ENOX2: variants seen among roughly 807,000 people sequenced by gnomAD.
ENOX2 encodes ecto-NOX disulfide-thiol exchanger 2.
ENOX2 carries 36 observed loss-of-function variants against 45.0 expected under a neutral mutation model. The observed-to-expected ratio is 0.80, with a 90% CI of 0.61 to 1.06. The LOEUF (loss-of-function observed/expected upper bound fraction) is 1.06, where lower values mean the gene tolerates loss of function less well. Among genes scored for constraint, ENOX2 ranks in the 50% least tolerant of loss-of-function variants. ENOX2 has a pLI of 0.00. For synonymous variants in ENOX2, 174 were observed against 152.3 expected (o/e 1.14, Z -1.05); for missense variants, 423 against 462.5 (o/e 0.91, Z 0.78).
chrX:130,634,071 G>C (rs1482705718), intron 12 of ENOX2, among the ~76,000 whole-genome samples: 4 of 111,954 alleles, frequency 3.6e-5, no homozygotes, highest in Non-Finnish European at 5.6e-5. Flanking sequence ...GACACTCTAG[G>C]GGAAGGCACT....
intron 2 of ENOX2, among the ~76,000 whole-genome samples, chrX:130,886,379 T>C (rs893862232): frequency 8.9e-6 from 1 of 112,657 alleles, no homozygotes; most frequent in Admixed American, 9.4e-5. Context: ...AACAACGTGG[T>C]TGTAGGAACT....
At chrX:130,750,470 G>C (rs927196341) in intron 3 of ENOX2, among the ~76,000 whole-genome samples, 26 of 111,186 alleles carry the variant, frequency 2.3e-4, no homozygotes, top group African/African-American at 8.2e-4. Context: ...ATTTATCTCA[G>C]TCTTTACTTC....
chrX:130,703,512 T>TTCTCTCTC lies in ENOX2; in HGVS notation c.-38-266_-38-259dup, dbSNP rs59009662. ...TTCCTTCCTTCTCTCCCTTTCTTCCTTCTCTCTCTCTCTCTCTCTCTCTCT... is the reference window on the plus strand; with the variant it reads ...TTCCTTCCTTCTCTCCCTTTCTTCCTTCTCTCTCTCTCTCTCTCTCTCTCTCTCTCTCT... On this transcript the variant is annotated intron_variant, in intron 3 of 14. Transcript: ENST00000394363. Among the ~76,000 whole-genome samples, 42 of 105,489 alleles carry TTCTCTCTC rather than the reference T, an allele frequency of 4.0e-4. 1 individual carries two copies. Among genetic ancestry groups the TTCTCTCTC allele is most frequent in the Admixed American group, 3.1e-3 (30 of 9,824 alleles). 91.6% of individuals were successfully genotyped at this position (105,489 alleles called of 115,157 possible). A position where few individuals can be genotyped will look rare whatever the true frequency, so the allele number is the denominator to read the frequency against.
chrX:130,625,186 A>C lies in ENOX2; in HGVS notation c.*128T>G. On this transcript the variant is annotated 3_prime_UTR_variant, in exon 15 of 15. Transcript: ENST00000394363. ...TAGGATCCTTATTTTAACTCAAAAG[A>C]TTTTCCAGGAATGAACTGACAAATT... is the stretch of plus-strand genomic sequence containing the variant. 2.4e-6 allele frequency: 2 copies of C among 826,194 alleles called. No homozygotes were observed. The highest frequency in any genetic ancestry group is 3.4e-6 in the Non-Finnish European group (2 of 588,140). 68.1% of individuals were successfully genotyped at this position (826,194 alleles called of 1,213,427 possible).
At chrX:130,874,046 A>G (rs2078650528) in intron 2 of ENOX2, among the ~76,000 whole-genome samples, 1 of 111,559 alleles carries the variant, frequency 9.0e-6, no homozygotes, top group Admixed American at 9.5e-5. Flanking sequence ...AGTATAACAA[A>G]CAAAAAAAAA....
intron 2 of ENOX2, among the ~76,000 whole-genome samples, chrX:130,896,799 TGGG>T (rs2079063772): frequency 8.9e-6 from 1 of 111,945 alleles, no homozygotes; most frequent in African/African-American, 3.2e-5. Flanking sequence ...TTTTGCACAA[TGGG>T]TATTATCTGT....
intron 2 of ENOX2, among the ~76,000 whole-genome samples, chrX:130,787,073 C>T (rs979515469): frequency 1.0e-5 from 1 of 99,939 alleles, no homozygotes; most frequent in Non-Finnish European, 2.0e-5. Context: ...CTGTTGTTTC[C>T]TGACTTTTTA....
At position 130,703,268 on chromosome X, in the gene ENOX2, A is replaced by G; in HGVS notation, c.-38-14T>C. ...TACTGTTATCGGCTGAAAAGAAATG[A>G]CAAGCAAAATAATTTGTTGTGTTAA... On this transcript the variant is annotated splice_polypyrimidine_tract_variant and intron_variant, in intron 3 of 14. Transcript: ENST00000394363. 1 of 1,183,742 alleles carries G rather than the reference A, an allele frequency of 8.4e-7. No individual in the cohort carries two copies. The highest frequency in any genetic ancestry group is 1.1e-6 in the Non-Finnish European group (1 of 881,916).
chrX:130,889,773 G>A (rs184775044), intron 2 of ENOX2, among the ~76,000 whole-genome samples: 117 of 112,562 alleles, frequency 1.0e-3, no homozygotes, highest in Non-Finnish European at 1.7e-3. Context: ...CAACTGCTTA[G>A]GGAAACAGTC....
chrX:130,756,376 G>A (rs1251324250), intron 3 of ENOX2, among the ~76,000 whole-genome samples: 3 of 112,045 alleles, frequency 2.7e-5, no homozygotes, highest in Non-Finnish European at 3.8e-5. Context: ...AGACTGTCTA[G>A]GATGTCATAG....
At chrX:130,876,163 C>A (rs1316997348) in intron 2 of ENOX2, among the ~76,000 whole-genome samples, 2 of 111,778 alleles carry the variant, frequency 1.8e-5, no homozygotes, top group African/African-American at 6.5e-5. Flanking sequence ...CATTAATGCT[C>A]ATAGCAGCAT....
chrX:130,655,656 C>T (rs1262242706), intron 10 of ENOX2, among the ~76,000 whole-genome samples: 1 of 111,814 alleles, frequency 8.9e-6, no homozygotes, highest in Non-Finnish European at 1.9e-5. Context: ...TGTTTTGAGG[C>T]AGAGTTTTGG....
intron 10 of ENOX2, chrX:130,646,431 CA>C: frequency 5.2e-6 from 1 of 192,091 alleles, no homozygotes; most frequent in South Asian, 9.3e-5. Context: ...GGGAAGAAGA[CA>C]AAGGCAGCGT....
intron 13 of ENOX2, among the ~76,000 whole-genome samples, chrX:130,629,003 A>G (rs1412918621): frequency 9.0e-6 from 1 of 111,105 alleles, no homozygotes; most frequent in Admixed American, 9.6e-5. Flanking sequence ...GCAAAATTTG[A>G]TTTGGTTTCT....
At chrX:130,836,568 A>AGC (rs2077931353) in intron 2 of ENOX2, among the ~76,000 whole-genome samples, 2 of 111,055 alleles carry the variant, frequency 1.8e-5, no homozygotes, top group African/African-American at 6.6e-5. Flanking sequence ...TTATGTTTGT[A>AGC]TTTCTCCAGA....
intron 2 of ENOX2, among the ~76,000 whole-genome samples, chrX:130,847,897 C>T (rs1376949808): frequency 8.9e-6 from 1 of 112,130 alleles, no homozygotes; most frequent in Non-Finnish European, 1.9e-5. Flanking sequence ...GTTTTAGTTA[C>T]AGTCTCATGA....
intron 2 of ENOX2, among the ~76,000 whole-genome samples, chrX:130,863,606 G>T (rs908005019): frequency 8.9e-6 from 1 of 112,149 alleles, no homozygotes; most frequent in South Asian, 3.7e-4. Flanking sequence ...TAGACCTCAT[G>T]AAATTAATTT....
chrX:130,814,191 T>C (rs756940895), intron 2 of ENOX2, among the ~76,000 whole-genome samples: 1 of 112,422 alleles, frequency 8.9e-6, no homozygotes, highest in African/African-American at 3.2e-5. Context: ...GCTGCCTCTC[T>C]AGCTTCCTCC....
intron 5 of ENOX2, among the ~76,000 whole-genome samples, chrX:130,681,754 G>A (rs746889377): frequency 4.5e-5 from 5 of 111,793 alleles, no homozygotes; most frequent in South Asian, 3.8e-4. Context: ...GCACTTGGCC[G>A]GTTCCCAATA....
Sources: allele counts gnomAD v4.1 joint callset (sites outside exome capture counted in the v4.1 genomes callset), GRCh38; gene constraint gnomAD v4.1.1; transcripts MANE v1.5; gene names NCBI Gene and HGNC (gene_info 2026-07-23, HGNC 2026-07-21).